The following CACNA1C variants were observed in gnomAD, a reference collection of about 807,000 sequenced individuals.
The protein encoded by CACNA1C is voltage-dependent L-type calcium channel subunit alpha-1C.
Under a neutral mutation model 229.0 loss-of-function variants are expected in CACNA1C, and 30 were observed. That is an observed-to-expected ratio of 0.13 (90% CI 0.10 to 0.18). The LOEUF (loss-of-function observed/expected upper bound fraction) is 0.18. CACNA1C is among the 10% of genes least tolerant of loss of function. The pLI is 1.00. For missense variants in CACNA1C, 1,658 were observed against 2,845.0 expected (o/e 0.58, Z 9.49); for synonymous variants, 1,114 against 1,132.5 (o/e 0.98, Z 0.33).
At chr12:2,100,481 A>AC (rs1491270131) in intron 1 of CACNA1C, among the ~76,000 whole-genome samples, 63 of 15,176 alleles carry the variant, frequency 4.2e-3, no homozygotes, top group African/African-American at 7.2e-3. Context: ...AAAAAAAAAC[A>AC]AAAAAAAAAA....
At chr12:2,618,943 C>T (rs1164296819) in intron 29 of CACNA1C, among the ~76,000 whole-genome samples, 1 of 152,248 alleles carries the variant, frequency 6.6e-6, no homozygotes, top group South Asian at 2.1e-4. Context: ...CACCGCTCAC[C>T]AGGAATCATC....
intron 3 of CACNA1C, among the ~76,000 whole-genome samples, chr12:2,299,100 A>G (rs1231206222): frequency 6.6e-6 from 1 of 152,210 alleles, no homozygotes; most frequent in African/African-American, 2.4e-5. Context: ...TGCTTATGTG[A>G]GAAAGGGGCT....
At chr12:2,139,772 C>T (rs1036496977) in intron 3 of CACNA1C, among the ~76,000 whole-genome samples, 4 of 151,208 alleles carry the variant, frequency 2.6e-5, no homozygotes, top group African/African-American at 7.3e-5. Context: ...CTCCTCTGCC[C>T]GCTGGCCTCA....
At chr12:2,170,025 G>A (rs541383464) in intron 3 of CACNA1C, among the ~76,000 whole-genome samples, 1 of 152,304 alleles carries the variant, frequency 6.6e-6, no homozygotes, top group East Asian at 1.9e-4. Flanking sequence ...AGGCTCCCCT[G>A]TCAGTTGTGG....
intron 5 of CACNA1C, among the ~76,000 whole-genome samples, chr12:2,476,767 G>A (rs1189830558): frequency 1.3e-5 from 2 of 152,148 alleles, no homozygotes; most frequent in African/African-American, 2.4e-5. Flanking sequence ...CCCTCCTTTA[G>A]TGTTCCTCAT....
chr12:2,291,594 G>T (rs1030701904), intron 3 of CACNA1C, among the ~76,000 whole-genome samples: 1 of 152,198 alleles, frequency 6.6e-6, no homozygotes, highest in Admixed American at 6.5e-5. Flanking sequence ...ATTGAAACTC[G>T]TCACAGAAGT....
At chr12:2,289,280 T>C (rs562440631) in intron 3 of CACNA1C, among the ~76,000 whole-genome samples, 1 of 152,264 alleles carries the variant, frequency 6.6e-6, no homozygotes, top group East Asian at 1.9e-4. Flanking sequence ...TGTGTGTCTT[T>C]GAGTGGATGT....
chr12:2,454,318 G>A (rs1490824294), intron 4 of CACNA1C, among the ~76,000 whole-genome samples: 1 of 152,094 alleles, frequency 6.6e-6, no homozygotes, highest in Non-Finnish European at 1.5e-5. Context: ...CAATATCCCT[G>A]TCACCACTGA....
At chr12:2,604,145 GAAT>G (rs2074162853) in intron 22 of CACNA1C, among the ~76,000 whole-genome samples, 1 of 152,158 alleles carries the variant, frequency 6.6e-6, no homozygotes, top group South Asian at 2.1e-4. Context: ...GGGAAATTTT[GAAT>G]AATATTTTAG....
At position 2,597,396 on chromosome 12, in the gene CACNA1C, T is replaced by C. The variant is rs1316034386; in HGVS notation, c.2853+107T>C. On this transcript the variant is annotated intron_variant, in intron 21 of 46. Transcript: ENST00000399655. This position sits in a 1 kb window ranked among gnomAD's most constrained non-coding sequence, Gnocchi z 4.3. Reference sequence around the variant, plus strand: ...ATGCTCCTTCCTGTTGGTGTGGGGTTCACTCTCAGAGCCACTAATCCAATT... The same window carrying C: ...ATGCTCCTTCCTGTTGGTGTGGGGTCCACTCTCAGAGCCACTAATCCAATT... 6.5e-7 allele frequency: 1 copy of C among 1,547,106 alleles called. No homozygotes were observed. Among genetic ancestry groups the C allele is most frequent in the African/African-American group, 1.4e-5 (1 of 73,646 alleles).
intron 3 of CACNA1C, among the ~76,000 whole-genome samples, chr12:2,299,037 T>G (rs1051261431): frequency 2.0e-5 from 3 of 152,204 alleles, no homozygotes; most frequent in African/African-American, 4.8e-5. Context: ...AACATTTTAG[T>G]GTTATTAGTT....
intron 5 of CACNA1C, among the ~76,000 whole-genome samples, chr12:2,470,199 A>G (rs145161369): frequency 8.6e-4 from 131 of 152,318 alleles, no homozygotes; most frequent in African/African-American, 1.7e-3. Flanking sequence ...TTAAGCACTC[A>G]TCTTGAGCCC....
chr12:2,203,092 G>A (rs1273702306), intron 3 of CACNA1C, among the ~76,000 whole-genome samples: 1 of 152,124 alleles, frequency 6.6e-6, no homozygotes, highest in East Asian at 1.9e-4. Flanking sequence ...CCATGCTGGG[G>A]GTGTAGCCAT....
At chr12:2,321,225 G>A (rs1404490012) in intron 3 of CACNA1C, among the ~76,000 whole-genome samples, 1 of 151,944 alleles carries the variant, frequency 6.6e-6, no homozygotes, top group Non-Finnish European at 1.5e-5. Flanking sequence ...GTCGTTGGGG[G>A]GGTGGGGGAA....
chr12:2,313,068 G>C (rs1331263845), intron 3 of CACNA1C, among the ~76,000 whole-genome samples: 1 of 152,184 alleles, frequency 6.6e-6, no homozygotes, highest in Non-Finnish European at 1.5e-5. Flanking sequence ...GAATTGGCCT[G>C]GGAGTACAGA....
At chr12:2,339,995 T>C (rs2096816168) in intron 3 of CACNA1C, among the ~76,000 whole-genome samples, 2 of 152,252 alleles carry the variant, frequency 1.3e-5, no homozygotes, top group Admixed American at 6.5e-5. Flanking sequence ...CTATGTACTT[T>C]GGTTTTTAAA....
At chr12:2,136,157 G>C (rs2093451098) in intron 3 of CACNA1C, among the ~76,000 whole-genome samples, 1 of 151,434 alleles carries the variant, frequency 6.6e-6, no homozygotes, top group Admixed American at 6.6e-5. Flanking sequence ...GCCTCGCCCT[G>C]CTTTGGCTCG....
chr12:2,352,507 G>A (rs1211877462), intron 3 of CACNA1C, among the ~76,000 whole-genome samples: 5 of 152,144 alleles, frequency 3.3e-5, no homozygotes, highest in East Asian at 1.9e-4. Flanking sequence ...CTGTCATCCC[G>A]CCTTTTCCAG....
chr12:2,580,999 C>A (rs1047627107), intron 13 of CACNA1C, among the ~76,000 whole-genome samples: 2 of 152,210 alleles, frequency 1.3e-5, no homozygotes. Context: ...CTTGGGAAAC[C>A]ACCAAGCCAT....
Sources: allele counts gnomAD v4.1 joint callset (sites outside exome capture counted in the v4.1 genomes callset), GRCh38; gene constraint gnomAD v4.1.1; non-coding constraint Gnocchi (gnomAD v3.1); transcripts MANE v1.5; gene names NCBI Gene and HGNC (gene_info 2026-07-23, HGNC 2026-07-21).